The following KHDRBS2 variants were observed in gnomAD, a reference collection of about 807,000 sequenced individuals.
KHDRBS2 encodes KH RNA binding domain containing, signal transduction associated 2.
Under a neutral mutation model 44.3 loss-of-function variants are expected in KHDRBS2, and 26 were observed. The ratio of observed to expected loss-of-function variants is 0.59; its 90% CI spans 0.43 to 0.81. The LOEUF (loss-of-function observed/expected upper bound fraction) is 0.81. KHDRBS2 is among the 40% of genes least tolerant of loss of function. The pLI, the probability that KHDRBS2 is intolerant of heterozygous loss-of-function variation, is 0.00. For missense variants in KHDRBS2, 476 were observed against 433.1 expected, an observed-to-expected ratio of 1.10 and a Z score of -0.88; for synonymous variants, 194 against 151.1, an observed-to-expected ratio of 1.28 and a Z score of -2.08.
chr6:61,740,779 T>G (rs1349625105), intron 6 of KHDRBS2, among the ~76,000 whole-genome samples: 1 of 151,958 alleles, frequency 6.6e-6, no homozygotes, highest in Non-Finnish European at 1.5e-5. Context: ...TGTTTTCTTG[T>G]CAGGTCATTA....
At chr6:61,891,158 G>A (rs973160592) in intron 6 of KHDRBS2, among the ~76,000 whole-genome samples, 2 of 152,178 alleles carry the variant, frequency 1.3e-5, no homozygotes, top group African/African-American at 4.8e-5. Flanking sequence ...AGGACAGCAT[G>A]TTTATGGATA....
At chr6:62,235,429 C>T (rs565927299) in intron 1 of KHDRBS2, among the ~76,000 whole-genome samples, 1 of 152,096 alleles carries the variant, frequency 6.6e-6, no homozygotes, top group East Asian at 1.9e-4. Flanking sequence ...CTGAAAGTCA[C>T]ATTATCTTCT....
At chr6:61,660,809 G>A in the KHDRBS2 span, among the ~76,000 whole-genome samples, 2 of 151,874 alleles carry the variant, frequency 1.3e-5, no homozygotes, top group East Asian at 3.9e-4. Flanking sequence ...TACTTGGCAG[G>A]ATGAGTACAG....
intron 3 of KHDRBS2, among the ~76,000 whole-genome samples, chr6:62,047,373 G>A (rs1209678166): frequency 6.6e-6 from 1 of 151,912 alleles, no homozygotes; most frequent in East Asian, 1.9e-4. Flanking sequence ...GGTCAGGTGA[G>A]TTGTTTAATA....
At position 62,047,883 on chromosome 6, in the gene KHDRBS2, C is replaced by A; in HGVS notation, c.331G>T (p.Ala111Ser). Residue 111 changes from alanine (A) to serine (S), a missense_variant, in exon 3 of 9, where the codon GCT becomes TCT. Coordinates refer to ENST00000281156, the MANE Select transcript of KHDRBS2 (RefSeq NM_152688.4). Reference sequence around the variant, plus strand: ...TTAGATTCAAAGTTCAGTACCTTAGCTTTATCTCTCATTGATCCTTTGCCC... The same window carrying A: ...TTAGATTCAAAGTTCAGTACCTTAGATTTATCTCTCATTGATCCTTTGCCC... ...ILGKGSMRDK[A>S]KEEELRKSGE... 1.9e-6 allele frequency: 3 copies of A among 1,597,432 alleles called. No individual in the cohort carries two copies. Among genetic ancestry groups the A allele is most frequent in the Non-Finnish European group, 2.6e-6 (3 of 1,165,442 alleles).
chr6:61,992,061 G>A (rs1270598630), intron 3 of KHDRBS2, among the ~76,000 whole-genome samples: 1 of 152,184 alleles, frequency 6.6e-6, no homozygotes, highest in African/African-American at 2.4e-5. Flanking sequence ...TGGTATCAGT[G>A]TGAAAGGGCA....
chr6:61,641,590 A>G, the KHDRBS2 span, among the ~76,000 whole-genome samples: 1 of 152,168 alleles, frequency 6.6e-6, no homozygotes, highest in Non-Finnish European at 1.5e-5. Context: ...GTAAGAATCT[A>G]TAGCTTTTCA....
chr6:62,262,495 A>T (rs1470808336), intron 1 of KHDRBS2, among the ~76,000 whole-genome samples: 3 of 151,838 alleles, frequency 2.0e-5, no homozygotes, highest in Non-Finnish European at 4.4e-5. Context: ...TCAAATACTC[A>T]TATTAATCCA....
chr6:61,983,765 C>G (rs1320596194), intron 3 of KHDRBS2, among the ~76,000 whole-genome samples: 1 of 151,994 alleles, frequency 6.6e-6, no homozygotes, highest in South Asian at 2.1e-4. Context: ...GTTTTGCAAA[C>G]AAGAATAATT....
intron 4 of KHDRBS2, among the ~76,000 whole-genome samples, chr6:61,929,523 C>A (rs1343450750): frequency 6.6e-6 from 1 of 152,114 alleles, no homozygotes; most frequent in Non-Finnish European, 1.5e-5. Flanking sequence ...TTTAGTAAGA[C>A]CCCCCTCAGT....
chr6:61,554,739 A>T, the KHDRBS2 span, among the ~76,000 whole-genome samples: 2 of 152,286 alleles, frequency 1.3e-5, no homozygotes, highest in South Asian at 4.1e-4. Flanking sequence ...CTTGCCTGAA[A>T]AACATTTTAT....
At chr6:62,078,916 G>C (rs1055287990) in intron 2 of KHDRBS2, among the ~76,000 whole-genome samples, 2 of 152,100 alleles carry the variant, frequency 1.3e-5, no homozygotes, top group East Asian at 1.9e-4. Context: ...TCTTAGAGAA[G>C]TCAGCTATAT....
intron 1 of KHDRBS2, among the ~76,000 whole-genome samples, chr6:62,276,407 G>T (rs1441918091): frequency 6.6e-6 from 1 of 152,192 alleles, no homozygotes; most frequent in Admixed American, 6.5e-5. Flanking sequence ...GCTTCTAGAA[G>T]AATTCAGCAA....
intron 7 of KHDRBS2, among the ~76,000 whole-genome samples, chr6:61,706,514 G>A (rs1769586843): frequency 2.6e-5 from 4 of 151,726 alleles, no homozygotes; most frequent in Admixed American, 2.0e-4. Context: ...AGGTAATGAG[G>A]CTTGGGTTTA....
At chr6:61,813,972 T>A (rs1234978415) in intron 6 of KHDRBS2, 21 of 448,364 alleles carry the variant, frequency 4.7e-5, no homozygotes, top group Non-Finnish European at 7.6e-5. Flanking sequence ...CACTCCCACC[T>A]CCATGCCAGT....
At position 62,219,795 on chromosome 6, in the gene KHDRBS2, C is replaced by T. The variant is rs1373365558; in HGVS notation, c.92-42483G>A. 4.1e-5 allele frequency among the ~76,000 whole-genome samples: 6 copies of T among 147,310 alleles called. No individual in the cohort carries two copies. The East Asian group carries it at 5.9e-4, about 14-fold the overall frequency. Reference sequence around the variant, plus strand: ...AGTTTTATATATATATTTTTATTTACTATATGATATATAGTTACTATATAT... The same window carrying T: ...AGTTTTATATATATATTTTTATTTATTATATGATATATAGTTACTATATAT... On this transcript the variant is annotated intron_variant, in intron 1 of 8. Coordinates refer to ENST00000281156, the MANE Select transcript of KHDRBS2 (RefSeq NM_152688.4).
At chr6:61,681,874 A>C (rs1316894345) in intron 8 of KHDRBS2, among the ~76,000 whole-genome samples, 1 of 151,930 alleles carries the variant, frequency 6.6e-6, no homozygotes, top group East Asian at 1.9e-4. Context: ...ATTCTTCTTT[A>C]AAATAACTCA....
chr6:61,836,878 G>A (rs1792777724), intron 6 of KHDRBS2, among the ~76,000 whole-genome samples: 3 of 152,076 alleles, frequency 2.0e-5, no homozygotes, highest in South Asian at 4.1e-4. Context: ...GTTGACAAGA[G>A]GCTTACGATT....
the KHDRBS2 span, among the ~76,000 whole-genome samples, chr6:61,616,978 T>C: frequency 6.6e-6 from 1 of 152,198 alleles, no homozygotes; most frequent in Non-Finnish European, 1.5e-5. Flanking sequence ...ACTTTTTTTT[T>C]CTGTATTCTT....
Sources: gnomAD v4.1 joint callset for allele counts (sites outside exome capture counted in the v4.1 genomes callset) on GRCh38, gnomAD v4.1.1 for gene constraint, MANE v1.5 for transcripts, NCBI Gene and HGNC (gene_info 2026-07-23, HGNC 2026-07-21) for gene names.